FZD3: variants seen among roughly 807,000 people sequenced by gnomAD.
The protein encoded by FZD3 is frizzled-3.
A neutral mutation model predicts 60.7 loss-of-function variants in FZD3; 30 were observed. The observed-to-expected ratio is 0.49, with a 90% CI of 0.37 to 0.67. The LOEUF (loss-of-function observed/expected upper bound fraction) is 0.67. FZD3 is among the 30% of genes least tolerant of loss of function. The pLI is 0.00. For synonymous variants in FZD3, 246 were observed against 275.2 expected (o/e 0.89, Z 1.05); for missense variants, 605 against 838.7 (o/e 0.72, Z 3.44).
intron 5 of FZD3, among the ~76,000 whole-genome samples, chr8:28,549,093 T>C (rs1272220379): frequency 1.3e-5 from 2 of 152,156 alleles, no homozygotes; most frequent in African/African-American, 4.8e-5. Context: ...CTCAAGTCTC[T>C]CTCCTTGGCT....
Position 28,568,476 on chromosome 8 carries a change from C to A in FZD3, c.*5465C>A, listed in dbSNP as rs1390015636. 1 of 151,930 alleles carries A rather than the reference C, an allele frequency of 6.6e-6. No individual in the cohort carries two copies. The highest frequency in any genetic ancestry group is 2.4e-5 in the African/African-American group (1 of 41,376). 9.4% of individuals were successfully genotyped at this position (151,930 alleles called of 1,614,324 possible). ...GTTTTTTACTAATTTAATCTTAATC[C>A]TGTGCTTCTTTAGTCATCAAATTGA... On this transcript the variant is annotated 3_prime_UTR_variant, in exon 8 of 8. Coordinates refer to ENST00000240093, the MANE Select transcript of FZD3 (RefSeq NM_017412.4).
At chr8:28,545,947 C>T (rs1805283973) in intron 5 of FZD3, among the ~76,000 whole-genome samples, 2 of 152,164 alleles carry the variant, frequency 1.3e-5, no homozygotes, top group South Asian at 4.2e-4. Flanking sequence ...TTTTATTTTA[C>T]CCTTTCTATG....
intron 5 of FZD3, among the ~76,000 whole-genome samples, chr8:28,534,782 G>T (rs889919291): frequency 6.6e-6 from 1 of 152,102 alleles, no homozygotes; most frequent in African/African-American, 2.4e-5. Context: ...TATTTTTAGA[G>T]GAATCTTATA....
rs1196926307 is a variant in FZD3, at chr8:28,572,199, G to A, written c.*9188G>A. 2 of 152,108 alleles carry A rather than the reference G, an allele frequency of 1.3e-5. No individual in the cohort carries two copies. The highest frequency in any genetic ancestry group is 2.4e-5 in the African/African-American group (1 of 41,424). 9.4% of individuals were successfully genotyped at this position (152,108 alleles called of 1,614,324 possible). On this transcript the variant is annotated 3_prime_UTR_variant, in exon 8 of 8. Transcript: ENST00000240093. ...GGTTTTTGCTACATGGTCGTAGTTG[G>A]ATAATACAGCATTATTCTGAACTAT...
At position 28,495,487 on chromosome 8, in the gene FZD3, T is replaced by C. The variant is rs139900824; in HGVS notation, c.-391+1144T>C. 9.7e-3 allele frequency among the ~76,000 whole-genome samples: 1,484 copies of C among 152,282 alleles called. 13 individuals are homozygous for C. The highest frequency in any genetic ancestry group is 0.016 in the Non-Finnish European group (1,103 of 68,020). ...GAGTTACTTTGTAAAGCCAATATGA[T>C]ATGAGCAAGGAAACAAAGACCTGAC... On this transcript the variant is annotated intron_variant, in intron 1 of 7. Transcript: ENST00000240093.
Position 28,563,181 on chromosome 8 carries a change from A to C in FZD3, c.*170A>C. On this transcript the variant is annotated 3_prime_UTR_variant, in exon 8 of 8. Coordinates refer to ENST00000240093, the MANE Select transcript of FZD3 (RefSeq NM_017412.4). ...TTTTTTATATTGCATCAAACTTGGA[A>C]CATCAAGGCATCCAAAACACTAAGA... 1 of 587,430 alleles carries C rather than the reference A, an allele frequency of 1.7e-6. No individual in the cohort carries two copies. The highest frequency in any genetic ancestry group is 3.1e-6 in the Non-Finnish European group (1 of 326,074). The allele number at this position is 587,430 out of a possible 1,614,324, so 36.4% of individuals were successfully genotyped here.
rs1315467135 is a variant in FZD3 at position 28,571,910 on chromosome 8, T to C, written c.*8899T>C. ...TTAAAATACTTTACCAAAAAAATAC[T>C]TTTTTGTATTTTAATCTGATAGTGA... On this transcript the variant is annotated 3_prime_UTR_variant, in exon 8 of 8. Coordinates refer to ENST00000240093, the MANE Select transcript of FZD3 (RefSeq NM_017412.4). 1 of 152,144 alleles carries C rather than the reference T, an allele frequency of 6.6e-6. No individual in the cohort carries two copies. Among genetic ancestry groups the C allele is most frequent in the Non-Finnish European group, 1.5e-5 (1 of 68,018 alleles). The allele number at this position is 152,144 out of a possible 1,614,324, so 9.4% of individuals were successfully genotyped here.
intron 5 of FZD3, among the ~76,000 whole-genome samples, chr8:28,541,772 C>T (rs1805173521): frequency 6.6e-6 from 1 of 152,174 alleles, no homozygotes. Flanking sequence ...GCATCGCGTT[C>T]CCAGTTCTGC....
At chr8:28,525,643 C>T (rs887160051) in intron 4 of FZD3, among the ~76,000 whole-genome samples, 2 of 151,986 alleles carry the variant, frequency 1.3e-5, no homozygotes, top group East Asian at 1.9e-4. Context: ...CTGAGTAGCT[C>T]TGGTAAGGAA....
chr8:28,520,192 A>G (rs1394711992), intron 3 of FZD3, among the ~76,000 whole-genome samples: 2 of 146,782 alleles, frequency 1.4e-5, no homozygotes, highest in Non-Finnish European at 3.0e-5. Context: ...CCTGGGCGAC[A>G]GAGTGAGACT....
Position 28,495,769 on chromosome 8 carries a change from GA to G in FZD3, c.-391+1427del, listed in dbSNP as rs745564544. 3.2e-4 allele frequency among the ~76,000 whole-genome samples: 49 copies of G among 152,294 alleles called. No individual in the cohort carries two copies. In the East Asian group the frequency reaches 7.9e-3, roughly 25 times the overall value. On this transcript the variant is annotated intron_variant, in intron 1 of 7. Coordinates refer to ENST00000240093, the MANE Select transcript of FZD3 (RefSeq NM_017412.4). ...CGGAGAGCCTAGGAAAGAGGTGTAA[GA>G]GCTTGACTGGGTGGGGCTGGAAGGA...
chr8:28,507,148 C>T (rs1349183456), intron 3 of FZD3, among the ~76,000 whole-genome samples: 4 of 152,126 alleles, frequency 2.6e-5, no homozygotes, highest in Non-Finnish European at 5.9e-5. Context: ...TTGCATATTT[C>T]ACAATTTTTT....
At chr8:28,544,897 G>C (rs1393575208) in intron 5 of FZD3, among the ~76,000 whole-genome samples, 3 of 152,130 alleles carry the variant, frequency 2.0e-5, no homozygotes, top group Non-Finnish European at 2.9e-5. Flanking sequence ...ATCTGGTGAG[G>C]GTCTTCTTCC....
rs756096158 is a variant in FZD3 at position 28,527,903 on chromosome 8, G to C, written c.1143G>C (p.Leu381=). 6.2e-7 allele frequency: 1 copy of C among 1,614,074 alleles called. No homozygotes were observed. The highest frequency in any genetic ancestry group is 1.1e-5 in the South Asian group (1 of 91,088). Residue 381 remains leucine, a synonymous_variant, in exon 5 of 8, where the codon CTG becomes CTC. Coordinates refer to ENST00000240093, the MANE Select transcript of FZD3 (RefSeq NM_017412.4). This position sits in a 1 kb window ranked among gnomAD's most constrained non-coding sequence, Gnocchi z 5.0. ...ATTTTGTTCTTGCTCCCCTCTGCCT[G>C]TATGTGGTAGTTGGGGTTTCTCTCC... ...LRYFVLAPLC[L]YVVVGVSLLL... is the part of the protein sequence containing the mutation.
chr8:28,521,081 AT>A (rs372523316), intron 4 of FZD3, among the ~76,000 whole-genome samples: 24 of 152,116 alleles, frequency 1.6e-4, no homozygotes, highest in Non-Finnish European at 8.8e-5. Context: ...AAGACAGTTG[AT>A]TTTTCCCCCT....
rs1404652647 is a variant in FZD3, at chr8:28,568,417, C to T, written c.*5406C>T. 1 of 152,086 alleles carries T rather than the reference C, an allele frequency of 6.6e-6. No homozygotes were observed. The highest frequency in any genetic ancestry group is 6.6e-5 in the Admixed American group (1 of 15,266). The allele number at this position is 152,086 out of a possible 1,614,324, so 9.4% of individuals were successfully genotyped here. A position where few individuals can be genotyped will look rare whatever the true frequency, so the allele number is the denominator to read the frequency against. On this transcript the variant is annotated 3_prime_UTR_variant, in exon 8 of 8. Transcript: ENST00000240093. The stretch of plus-strand genomic sequence containing the variant: ...AAAGGAGTAGGAAGACTAGGTATCG[C>T]ATGCCTTCCGTCTGATTGTAATCAG...
In FZD3 at chr8:28,563,494, G is replaced by A. The variant is rs1016247223; in HGVS notation, c.*483G>A. 1 of 157,508 alleles carries A rather than the reference G, an allele frequency of 6.3e-6. No individual in the cohort carries two copies. Among genetic ancestry groups the A allele is most frequent in the African/African-American group, 2.4e-5 (1 of 41,482 alleles). The allele number at this position is 157,508 out of a possible 1,614,324, so 9.8% of individuals were successfully genotyped here. ...ATTTCCACTAAGTGAAAAAAGAACT[G>A]TGTTTTTAAACTGTAGGAGAATTTA... On this transcript the variant is annotated 3_prime_UTR_variant, in exon 8 of 8. Transcript: ENST00000240093.
intron 3 of FZD3, among the ~76,000 whole-genome samples, chr8:28,519,942 G>A (rs1585963335): frequency 6.6e-6 from 1 of 152,054 alleles, no homozygotes; most frequent in African/African-American, 2.4e-5. Flanking sequence ...AGGTGTGGTG[G>A]CTCACACCTG....
chr8:28,540,285 A>C (rs911103009), intron 5 of FZD3, among the ~76,000 whole-genome samples: 3 of 152,196 alleles, frequency 2.0e-5, no homozygotes, highest in Non-Finnish European at 4.4e-5. Flanking sequence ...GCTGGAGTGC[A>C]ATGGCACGAT....
Sources: gnomAD v4.1 joint callset for allele counts (sites outside exome capture counted in the v4.1 genomes callset) on GRCh38, gnomAD v4.1.1 for gene constraint, Gnocchi (gnomAD v3.1) non-coding constraint, MANE v1.5 for transcripts, NCBI Gene and HGNC (gene_info 2026-07-23, HGNC 2026-07-21) for gene names.